EXOSC1: variants seen among roughly 807,000 people sequenced by gnomAD.
EXOSC1 encodes the protein exosome component 1.
In EXOSC1, 27 loss-of-function variants were observed where a neutral mutation model predicts 31.4. That is an observed-to-expected ratio of 0.86 (90% CI 0.63 to 1.18). EXOSC1 has a LOEUF of 1.18. Ranked by LOEUF, EXOSC1 falls within the 50% of genes most tolerant of loss-of-function variation. The probability of loss-of-function intolerance (pLI) is 0.00; values close to 1 mark genes in which losing one functional copy is unlikely to be tolerated. For missense variants in EXOSC1, 228 were observed against 250.3 expected (o/e 0.91, Z 0.60); for synonymous variants, 84 against 89.5 (o/e 0.94, Z 0.35).
intron 3 of EXOSC1, among the ~76,000 whole-genome samples, chr10:97,442,137 C>T (rs1171702662): frequency 2.0e-5 from 3 of 150,644 alleles, no homozygotes; most frequent in South Asian, 4.2e-4. Context: ...GAGATCGTGC[C>T]ACTGCACTCC....
chr10:97,439,970 CTTTT>C (rs957127403), intron 4 of EXOSC1, among the ~76,000 whole-genome samples: 1 of 139,640 alleles, frequency 7.2e-6, no homozygotes, highest in Non-Finnish European at 1.6e-5. Flanking sequence ...ATGCCTTCTA[CTTTT>C]TTTTTTTTTT....
chr10:97,441,339 A>G, intron 3 of EXOSC1, 80 bp from the exon 4 acceptor site: 1 of 1,177,344 alleles, frequency 8.5e-7, no homozygotes, highest in Admixed American at 1.8e-5. Flanking sequence ...GGGGATTACT[A>G]GGGCTTCAGT....
intron 5 of EXOSC1, among the ~76,000 whole-genome samples, 153 bp from the exon 6 acceptor site, chr10:97,437,903 C>T (rs552354547): frequency 1.6e-4 from 24 of 152,246 alleles, no homozygotes; most frequent in African/African-American, 4.8e-4. Context: ...ATTGCTTCTA[C>T]AGTATTATCA....
intron 3 of EXOSC1, among the ~76,000 whole-genome samples, chr10:97,441,928 G>A (rs1845732145): frequency 6.8e-6 from 1 of 146,006 alleles, no homozygotes; most frequent in Non-Finnish European, 1.5e-5. Context: ...TGTAATCCCA[G>A]CACTTTGGGA....
Position 97,442,039 on chromosome 10 carries a change from T to C in EXOSC1, c.223-780A>G, listed in dbSNP as rs182831512. 1.2e-3 allele frequency among the ~76,000 whole-genome samples: 184 copies of C among 151,662 alleles called. 1 individual carries two copies. The highest frequency in any genetic ancestry group is 2.9e-3 in the Admixed American group (44 of 15,234). ...TAAAAATACAAAAATTAGCCAGGCG[T>C]GGCAGCACATGCCTATAATCCCAGC... On this transcript the variant is annotated intron_variant, in intron 3 of 7. Coordinates refer to ENST00000370902, the MANE Select transcript of EXOSC1 (RefSeq NM_016046.5).
chr10:97,437,650 C>G (rs758026839), intron 6 of EXOSC1, 50 bp downstream of exon 6: 1 of 1,579,694 alleles, frequency 6.3e-7, no homozygotes, highest in Non-Finnish European at 8.7e-7. Context: ...ACCCGGCCTC[C>G]TTCTCTTCTT....
intron 5 of EXOSC1, 61 bp from the exon 6 acceptor site, chr10:97,437,811 GA>G: frequency 1.4e-6 from 2 of 1,383,288 alleles, no homozygotes; most frequent in Non-Finnish European, 2.1e-6. Flanking sequence ...ATGAAACTGT[GA>G]ACGCTTCTGG....
At position 97,436,365 on chromosome 10, in the gene EXOSC1, GT is replaced by G; in HGVS notation, c.*79del. 2 of 1,060,408 alleles carry G rather than the reference GT, an allele frequency of 1.9e-6. No individual in the cohort carries two copies. The highest frequency in any genetic ancestry group is 3.2e-5 in the African/African-American group (2 of 62,774). 65.7% of individuals were successfully genotyped at this position (1,060,408 alleles called of 1,614,324 possible). A position where few individuals can be genotyped will look rare whatever the true frequency, so the allele number is the denominator to read the frequency against. On this transcript the variant is annotated 3_prime_UTR_variant, in exon 8 of 8. Transcript: ENST00000370902. The stretch of plus-strand genomic sequence containing the variant: ...GGAAGTGGCTGTTGGCCGACGCCAG[GT>G]GTTTGAATAAAGACAGCAGCATCTT...
Position 97,436,226 on chromosome 10 carries a change from A to G in EXOSC1, c.*219T>C. On this transcript the variant is annotated 3_prime_UTR_variant, in exon 8 of 8. Coordinates refer to ENST00000370902, the MANE Select transcript of EXOSC1 (RefSeq NM_016046.5). ...AGGGATAGGCTATTTCCAATATCAC[A>G]GTTTTGTTTGTTGGTGCCTTGAAAA... 1 of 445,282 alleles carries G rather than the reference A, an allele frequency of 2.2e-6. No individual in the cohort carries two copies. Among genetic ancestry groups the G allele is most frequent in the East Asian group, 5.0e-5 (1 of 19,826 alleles). 27.6% of individuals were successfully genotyped at this position (445,282 alleles called of 1,614,324 possible).
In EXOSC1 at chr10:97,445,850, G is replaced by A. The variant is rs774464625; in HGVS notation, c.32-3C>T. ...CTCCAAGTTACACAGACGTTCGCCT[G>A]CAGAAAAAATGCTGCATCGGTCACG... On this transcript the variant is annotated splice_region_variant and splice_polypyrimidine_tract_variant and intron_variant, in intron 1 of 7. Transcript: ENST00000370902. The A allele has an allele frequency of 3.1e-6, 5 of 1,613,752 alleles. No individual in the cohort carries two copies. Among genetic ancestry groups the A allele is most frequent in the Non-Finnish European group, 4.2e-6 (5 of 1,179,676 alleles).
In EXOSC1 at chr10:97,445,846, G is replaced by C; in HGVS notation, c.33C>G (p.Gly11=). ...CCTCCTCCAAGTTACACAGACGTTC[G>C]CCTGCAGAAAAAATGCTGCATCGGT... is the stretch of plus-strand genomic sequence containing the variant. The part of the protein sequence containing the change: MAPPVRYCIP[G]ERLCNLEEGS... Residue 11 remains glycine (G), a splice_region_variant and synonymous_variant, in exon 2 of 8, where the codon GGC becomes GGG. Transcript: ENST00000370902. The C allele has an allele frequency of 6.2e-7, 1 of 1,613,774 alleles. No individual in the cohort carries two copies. The highest frequency in any genetic ancestry group is 1.1e-5 in the South Asian group (1 of 91,074).
chr10:97,439,439 A>C (rs1050536506), intron 4 of EXOSC1, among the ~76,000 whole-genome samples: 1 of 152,118 alleles, frequency 6.6e-6, no homozygotes, highest in African/African-American at 2.4e-5. Flanking sequence ...TTAGATTCTC[A>C]TAGAAGTATG....
intron 3 of EXOSC1, among the ~76,000 whole-genome samples, chr10:97,442,905 G>A (rs554753437): frequency 1.3e-5 from 2 of 152,234 alleles, no homozygotes; most frequent in Admixed American, 1.3e-4. Context: ...TGGCCAGGCT[G>A]GTCTTGAACT....
intron 7 of EXOSC1, among the ~76,000 whole-genome samples, 165 bp downstream of exon 7, chr10:97,437,026 C>T (rs896333360): frequency 2.0e-5 from 3 of 152,096 alleles, no homozygotes; most frequent in Admixed American, 6.6e-5. Flanking sequence ...AAACAACCAC[C>T]ACCACCAGCA....
intron 2 of EXOSC1, among the ~76,000 whole-genome samples, chr10:97,443,526 C>T (rs1845782008): frequency 6.6e-6 from 1 of 152,154 alleles, no homozygotes; most frequent in Non-Finnish European, 1.5e-5. Context: ...CTCTAAACTT[C>T]TTTTTTTGTT....
In EXOSC1 at chr10:97,443,252, A is replaced by G; in HGVS notation, c.207T>C (p.Ala69=). ...ACCAACTTACCTTACAGGTTACAAT[A>G]GCTCCCACATCTGGCAGTAACTGGG... ...TESQLLPDVG[A]IVTCKVSSIN... is the part of the protein sequence containing the mutation. Residue 69 remains alanine (A), a synonymous_variant, in exon 3 of 8, where the codon GCT becomes GCC. Transcript: ENST00000370902. The G allele has an allele frequency of 6.2e-7, 1 of 1,614,074 alleles. No homozygotes were observed.
chr10:97,437,079 A>G, intron 7 of EXOSC1, 112 bp downstream of exon 7: 2 of 910,478 alleles, frequency 2.2e-6, no homozygotes, highest in Non-Finnish European at 3.5e-6. Context: ...TCTCAGAGGG[A>G]AATATCTATA....
intron 2 of EXOSC1, 124 bp downstream of exon 2, chr10:97,445,608 T>G (rs1296748634): frequency 1.2e-6 from 1 of 828,598 alleles, no homozygotes; most frequent in Non-Finnish European, 1.9e-6. Context: ...TAGAAGAAAC[T>G]AAGAGACCAA....
intron 5 of EXOSC1, among the ~76,000 whole-genome samples, chr10:97,438,150 C>A (rs904800664): frequency 6.6e-6 from 1 of 152,080 alleles, no homozygotes; most frequent in African/African-American, 2.4e-5. Context: ...AACTCCTGAC[C>A]TTGTGATCCG....
Sources: gnomAD v4.1 joint callset for allele counts (sites outside exome capture counted in the v4.1 genomes callset) on GRCh38, gnomAD v4.1.1 for gene constraint, MANE v1.5 for transcripts, NCBI Gene and HGNC (gene_info 2026-07-23, HGNC 2026-07-21) for gene names.